Variants in SEMA6D observed in about 807,000 individuals in gnomAD.
The protein encoded by SEMA6D is semaphorin-6D.
A neutral mutation model predicts 106.6 loss-of-function variants in SEMA6D; 35 were observed. The ratio of observed to expected loss-of-function variants is 0.33; its 90% CI spans 0.25 to 0.44. SEMA6D has a LOEUF of 0.44. Among genes scored for constraint, SEMA6D ranks in the 20% least tolerant of loss-of-function variants. The pLI, the probability that SEMA6D is intolerant of heterozygous loss-of-function variation, is 1.00. For missense variants in SEMA6D, 1,185 were observed against 1,345.9 expected (o/e 0.88, Z 1.87); for synonymous variants, 499 against 487.7 (o/e 1.02, Z -0.31).
chr15:47,513,640 T>C (rs1450715685), intron 3 of SEMA6D, among the ~76,000 whole-genome samples: 3 of 152,196 alleles, frequency 2.0e-5, no homozygotes, highest in African/African-American at 7.2e-5. Context: ...CCAGATGGAA[T>C]GAGCAGGTTT....
At chr15:47,191,995 A>G (rs969563170) in intron 1 of SEMA6D, among the ~76,000 whole-genome samples, 4 of 152,198 alleles carry the variant, frequency 2.6e-5, no homozygotes, top group African/African-American at 4.8e-5. Context: ...CCTGAATCCA[A>G]CGTTCTTATA....
intron 3 of SEMA6D, among the ~76,000 whole-genome samples, chr15:47,575,547 G>A (rs938617599): frequency 3.9e-5 from 6 of 152,030 alleles, no homozygotes; most frequent in Non-Finnish European, 4.4e-5. Flanking sequence ...ATGAAACCCC[G>A]TCTCTATTGA....
At chr15:47,651,881 C>T (rs1415283502) in intron 4 of SEMA6D, among the ~76,000 whole-genome samples, 5 of 152,176 alleles carry the variant, frequency 3.3e-5, no homozygotes, top group Admixed American at 3.3e-4. Context: ...CCAGATATAC[C>T]AGTCACTCCC....
intron 4 of SEMA6D, among the ~76,000 whole-genome samples, chr15:47,679,975 A>G (rs1204583287): frequency 6.6e-6 from 1 of 152,132 alleles, no homozygotes; most frequent in African/African-American, 2.4e-5. Context: ...TTTCCATGCT[A>G]AGGGTTAAGG....
At chr15:47,544,340 T>C (rs1485615910) in intron 3 of SEMA6D, among the ~76,000 whole-genome samples, 1 of 152,128 alleles carries the variant, frequency 6.6e-6, no homozygotes, top group Non-Finnish European at 1.5e-5. Flanking sequence ...CTAATACTCT[T>C]GTTAGAATGT....
chr15:47,392,818 A>T (rs1044208829), intron 1 of SEMA6D, among the ~76,000 whole-genome samples: 5 of 152,236 alleles, frequency 3.3e-5, no homozygotes, highest in African/African-American at 9.6e-5. Context: ...CAGTTGAGGA[A>T]GGTTGTCACC....
chr15:47,305,464 A>G (rs1360506800), intron 1 of SEMA6D, among the ~76,000 whole-genome samples: 2 of 152,226 alleles, frequency 1.3e-5, no homozygotes, highest in Non-Finnish European at 2.9e-5. Flanking sequence ...AATTAGCACC[A>G]TCTGGAAAAA....
At chr15:47,365,408 A>G (rs1039473340) in intron 1 of SEMA6D, among the ~76,000 whole-genome samples, 28 of 152,140 alleles carry the variant, frequency 1.8e-4, no homozygotes, top group African/African-American at 6.8e-4. Context: ...TGCAGCCCAA[A>G]GAACTCCTCT....
chr15:47,549,626 G>GTT (rs146224126), intron 3 of SEMA6D, among the ~76,000 whole-genome samples: 4 of 151,166 alleles, frequency 2.6e-5, no homozygotes, highest in East Asian at 3.9e-4. Flanking sequence ...TTCACCATGG[G>GTT]TTTTTTTTTG....
chr15:47,540,441 A>T (rs1438254818), intron 3 of SEMA6D, among the ~76,000 whole-genome samples: 1 of 152,214 alleles, frequency 6.6e-6, no homozygotes, highest in African/African-American at 2.4e-5. Context: ...TACTGAAAAA[A>T]AAAAGCATGC....
At chr15:47,196,710 A>G (rs1212938122) in intron 1 of SEMA6D, among the ~76,000 whole-genome samples, 1 of 152,210 alleles carries the variant, frequency 6.6e-6, no homozygotes, top group Non-Finnish European at 1.5e-5. Flanking sequence ...GCCCTTTCAT[A>G]TTGTAAGCTG....
At chr15:47,187,955 C>T (rs1312249233) in intron 1 of SEMA6D, among the ~76,000 whole-genome samples, 8 of 152,126 alleles carry the variant, frequency 5.3e-5, no homozygotes, top group Admixed American at 5.2e-4. Flanking sequence ...CTGTGTAGTA[C>T]ATAATATACA....
intron 1 of SEMA6D, among the ~76,000 whole-genome samples, chr15:47,380,167 A>T (rs1386474797): frequency 6.6e-6 from 1 of 152,262 alleles, no homozygotes; most frequent in Non-Finnish European, 1.5e-5. Flanking sequence ...AAAAGGAATT[A>T]CAAAATATAA....
chr15:47,622,106 G>T (rs2077112757), intron 4 of SEMA6D, among the ~76,000 whole-genome samples: 1 of 150,668 alleles, frequency 6.6e-6, no homozygotes, highest in Admixed American at 6.6e-5. Context: ...ATTGCTGGTG[G>T]TTGAGGTTAT....
intron 1 of SEMA6D, among the ~76,000 whole-genome samples, chr15:47,220,460 G>A (rs2031087435): frequency 6.6e-6 from 1 of 152,172 alleles, no homozygotes; most frequent in South Asian, 2.1e-4. Flanking sequence ...TGGAAAGGCT[G>A]TAGAACATGC....
At chr15:47,217,566 G>T (rs1354885021) in intron 1 of SEMA6D, among the ~76,000 whole-genome samples, 1 of 145,820 alleles carries the variant, frequency 6.9e-6, no homozygotes, top group Non-Finnish European at 1.5e-5. Context: ...CGCGTGCACG[G>T]GTGTGTGTGT....
intron 1 of SEMA6D, among the ~76,000 whole-genome samples, chr15:47,247,357 A>G (rs1595536219): frequency 2.0e-5 from 3 of 152,332 alleles, no homozygotes; most frequent in Admixed American, 6.5e-5. Flanking sequence ...CTGACAATCT[A>G]GAAAAAGAAA....
At chr15:47,456,680 C>T (rs947986463) in intron 2 of SEMA6D, among the ~76,000 whole-genome samples, 2 of 151,900 alleles carry the variant, frequency 1.3e-5, no homozygotes, top group African/African-American at 4.8e-5. Flanking sequence ...ACGCAATAGG[C>T]AGTGCAAATA....
At chr15:47,445,183 G>A (rs2041994179) in intron 2 of SEMA6D, among the ~76,000 whole-genome samples, 1 of 152,024 alleles carries the variant, frequency 6.6e-6, no homozygotes, top group African/African-American at 2.4e-5. Flanking sequence ...TATGGTTTGT[G>A]GCTTATATAG....
Sources: allele counts gnomAD v4.1 joint callset (sites outside exome capture counted in the v4.1 genomes callset), GRCh38; gene constraint gnomAD v4.1.1; transcripts MANE v1.5; gene names NCBI Gene and HGNC (gene_info 2026-07-23, HGNC 2026-07-21).